Variants in DGKG observed in about 807,000 individuals in gnomAD.
The protein encoded by DGKG is DAG kinase gamma.
A neutral mutation model predicts 105.3 loss-of-function variants in DGKG; 78 were observed. The observed-to-expected ratio is 0.74, with a 90% CI of 0.62 to 0.89. The LOEUF (loss-of-function observed/expected upper bound fraction) is 0.89. DGKG is among the 40% of genes least tolerant of loss of function. The probability of loss-of-function intolerance (pLI) is 0.00; values close to 1 mark genes in which losing one functional copy is unlikely to be tolerated. For missense variants in DGKG, 958 were observed against 1,020.1 expected (o/e 0.94, Z 0.83); for synonymous variants, 346 against 367.1 (o/e 0.94, Z 0.66).
At chr3:186,240,048 T>C (rs933448041) in intron 20 of DGKG, among the ~76,000 whole-genome samples, 16 of 152,182 alleles carry the variant, frequency 1.1e-4, no homozygotes, top group African/African-American at 3.4e-4. Flanking sequence ...GCTTCCTTGC[T>C]TTCTGGGAAT....
Position 186,147,734 on chromosome 3 carries a change from C to G in DGKG, c.*2356G>C, listed in dbSNP as rs1016848204. On this transcript the variant is annotated 3_prime_UTR_variant, in exon 25 of 25. Coordinates refer to ENST00000265022, the MANE Select transcript of DGKG (RefSeq NM_001346.3). The stretch of plus-strand genomic sequence containing the variant: ...TGATAGTGCCATGTCTCAATAGCCT[C>G]AATCTTGGGGATCATGGCTGAAACA... 3.0e-6 allele frequency: 3 copies of G among 985,262 alleles called. No individual in the cohort carries two copies. The highest frequency in any genetic ancestry group is 3.5e-5 in the African/African-American group (2 of 57,212). 61.0% of individuals were successfully genotyped at this position (985,262 alleles called of 1,614,324 possible). A position where few individuals can be genotyped will look rare whatever the true frequency, so the allele number is the denominator to read the frequency against.
At chr3:186,193,557 G>A (rs1718012032) in intron 21 of DGKG, among the ~76,000 whole-genome samples, 1 of 152,234 alleles carries the variant, frequency 6.6e-6, no homozygotes, top group South Asian at 2.1e-4. Flanking sequence ...CTTGGCAAGC[G>A]CACGCCTGCG....
At chr3:186,267,245 T>A (rs879737426) in intron 13 of DGKG, among the ~76,000 whole-genome samples, 2 of 152,194 alleles carry the variant, frequency 1.3e-5, no homozygotes, top group African/African-American at 2.4e-5. Flanking sequence ...GTGCTCTGCC[T>A]GCAAAAGGCT....
At chr3:186,202,257 A>C (rs1254825918) in intron 21 of DGKG, among the ~76,000 whole-genome samples, 8 of 152,250 alleles carry the variant, frequency 5.3e-5, no homozygotes, top group Non-Finnish European at 1.2e-4. Flanking sequence ...AGTGGTATTT[A>C]TCCAACCCCT....
At chr3:186,171,433 A>G (rs1340478362) in intron 22 of DGKG, among the ~76,000 whole-genome samples, 2 of 152,204 alleles carry the variant, frequency 1.3e-5, no homozygotes, top group African/African-American at 2.4e-5. Flanking sequence ...GCAAATACCA[A>G]AACAGATGCT....
chr3:186,147,611 A>C lies in DGKG; in HGVS notation c.*2479T>G, dbSNP rs1715563532. The C allele has an allele frequency of 1.8e-5, 18 of 985,346 alleles. No homozygotes were observed. Among genetic ancestry groups the C allele is most frequent in the Non-Finnish European group, 2.2e-5 (18 of 829,952 alleles). 61.0% of individuals were successfully genotyped at this position (985,346 alleles called of 1,614,324 possible). On this transcript the variant is annotated 3_prime_UTR_variant, in exon 25 of 25. Transcript: ENST00000265022. ...ACTTGGGATATGTCTCTCAAGCAAC[A>C]TTGCAAGTCCTGTGCACTAGGGTGC...
Position 186,268,800 on chromosome 3 carries a change from C to T in DGKG, c.1116+1G>A. The T allele has an allele frequency of 6.2e-7, 1 of 1,609,646 alleles. No individual in the cohort carries two copies. The highest frequency in any genetic ancestry group is 8.5e-7 in the Non-Finnish European group (1 of 1,176,678). On this transcript the variant is annotated splice_donor_variant, in intron 12 of 24. Coordinates refer to ENST00000265022, the MANE Select transcript of DGKG (RefSeq NM_001346.3). LOFTEE classifies it high-confidence loss of function. ...CAGGGCCGCCCTGGGCGCCAACCCA[C>T]CGTCATCCGGCACCACACGCAGTGC... is the stretch of plus-strand genomic sequence containing the variant.
intron 20 of DGKG, among the ~76,000 whole-genome samples, chr3:186,239,501 A>G (rs73885807): frequency 0.046 from 7,008 of 152,320 alleles, 175 homozygotes; most frequent in African/African-American, 0.069. Flanking sequence ...AACCATCTCC[A>G]ATGCTAAATA....
chr3:186,332,938 C>T (rs989571870), intron 1 of DGKG, among the ~76,000 whole-genome samples: 6 of 151,958 alleles, frequency 3.9e-5, no homozygotes, highest in African/African-American at 1.5e-4. Flanking sequence ...ACGTTCAGCC[C>T]CCTCACCATA....
At chr3:186,258,808 A>G (rs1721604866) in intron 16 of DGKG, among the ~76,000 whole-genome samples, 1 of 152,154 alleles carries the variant, frequency 6.6e-6, no homozygotes, top group Non-Finnish European at 1.5e-5. Flanking sequence ...GTTTTTTGAT[A>G]TGGTTTCCCT....
At chr3:186,321,891 G>A (rs540886579) in intron 1 of DGKG, among the ~76,000 whole-genome samples, 20 of 152,216 alleles carry the variant, frequency 1.3e-4, no homozygotes, top group South Asian at 1.0e-3. Context: ...CTAGTCTCTC[G>A]CCCTGAGAAG....
At chr3:186,310,704 C>G (rs565324070) in intron 2 of DGKG, among the ~76,000 whole-genome samples, 12 of 152,158 alleles carry the variant, frequency 7.9e-5, no homozygotes, top group Non-Finnish European at 1.5e-4. Flanking sequence ...TTTGTCAAAG[C>G]CTTTACCATA....
intron 21 of DGKG, among the ~76,000 whole-genome samples, chr3:186,191,551 T>C (rs1717908677): frequency 6.6e-6 from 1 of 152,258 alleles, no homozygotes; most frequent in African/African-American, 2.4e-5. Context: ...GGTTCTAGTA[T>C]CCACCTTTGG....
intron 9 of DGKG, among the ~76,000 whole-genome samples, chr3:186,277,270 C>T (rs1223234129): frequency 2.6e-5 from 4 of 152,186 alleles, no homozygotes. Context: ...TCATTAAATT[C>T]TTATTCCATT....
At chr3:186,160,056 G>T in intron 24 of DGKG, 1 of 420,098 alleles carries the variant, frequency 2.4e-6, no homozygotes, top group Non-Finnish European at 3.2e-6. Context: ...AATTTCTGTT[G>T]TTTAAGCTGT....
chr3:186,273,363 A>ACC (rs35587972), intron 10 of DGKG, among the ~76,000 whole-genome samples: 2 of 73,398 alleles, frequency 2.7e-5, no homozygotes, highest in African/African-American at 1.3e-4. Flanking sequence ...AGACTGTTGT[A>ACC]CCCCTTTTTT....
At chr3:186,259,566 T>C (rs1721652783) in intron 16 of DGKG, among the ~76,000 whole-genome samples, 1 of 152,192 alleles carries the variant, frequency 6.6e-6, no homozygotes, top group African/African-American at 2.4e-5. Flanking sequence ...CAAATTCTCT[T>C]TTCAGAGTCC....
chr3:186,165,139 C>G, intron 22 of DGKG, 121 bp from the exon 23 acceptor site: 1 of 1,039,800 alleles, frequency 9.6e-7, no homozygotes, highest in Non-Finnish European at 1.4e-6. Flanking sequence ...CCACCAAACA[C>G]CTTTTTCATA....
intron 20 of DGKG, among the ~76,000 whole-genome samples, chr3:186,234,052 A>G (rs1664584868): frequency 6.6e-6 from 1 of 152,228 alleles, no homozygotes; most frequent in Admixed American, 6.5e-5. Context: ...ACCTTCTCCA[A>G]TAGCTCACTG....
Sources: gnomAD v4.1 joint callset for allele counts (sites outside exome capture counted in the v4.1 genomes callset) on GRCh38, gnomAD v4.1.1 for gene constraint, MANE v1.5 for transcripts, NCBI Gene and HGNC (gene_info 2026-07-23, HGNC 2026-07-21) for gene names.